Variants in C12orf50 observed in about 807,000 individuals in gnomAD.
C12orf50 encodes uncharacterized protein C12orf50.
In C12orf50, 35 loss-of-function variants were observed where a neutral mutation model predicts 61.6. The ratio of observed to expected loss-of-function variants is 0.57; its 90% CI spans 0.43 to 0.75. The LOEUF (loss-of-function observed/expected upper bound fraction) is 0.75. C12orf50 is among the 30% of genes least tolerant of loss of function. The pLI, the probability that C12orf50 is intolerant of heterozygous loss-of-function variation, is 0.00. For synonymous variants in C12orf50, 178 were observed against 161.5 expected, an observed-to-expected ratio of 1.10 and a Z score of -0.77; for missense variants, 475 against 488.5, an observed-to-expected ratio of 0.97 and a Z score of 0.26.
chr12:87,999,881 A>G (rs1248187485), intron 3 of C12orf50, among the ~76,000 whole-genome samples: 1 of 152,186 alleles, frequency 6.6e-6, no homozygotes, highest in Non-Finnish European at 1.5e-5. Flanking sequence ...ATGTGAGAGC[A>G]TGGATGAATT....
At chr12:88,001,887 T>G (rs1592664137) in intron 3 of C12orf50, among the ~76,000 whole-genome samples, 2 of 151,632 alleles carry the variant, frequency 1.3e-5, no homozygotes, top group East Asian at 3.9e-4. Flanking sequence ...TCTTTTTTTC[T>G]TGGTCAGTCA....
At chr12:88,024,277 G>A (rs1327407020) in intron 3 of C12orf50, among the ~76,000 whole-genome samples, 1 of 151,938 alleles carries the variant, frequency 6.6e-6, no homozygotes, top group African/African-American at 2.4e-5. Flanking sequence ...CCTATTATTG[G>A]GTATATACAC....
At chr12:88,026,464 A>G in intron 3 of C12orf50, 24 bp downstream of exon 3, 3 of 1,611,486 alleles carry the variant, frequency 1.9e-6, no homozygotes, top group Non-Finnish European at 2.5e-6. Flanking sequence ...TGGTAAGTCT[A>G]TGTTATTCAA....
At chr12:88,028,777 CATAAT>C (rs2032797211) in intron 1 of C12orf50, among the ~76,000 whole-genome samples, 2 of 151,944 alleles carry the variant, frequency 1.3e-5, no homozygotes, top group African/African-American at 2.4e-5. Context: ...CTCAAGGTGT[CATAAT>C]ATAGGCAAAA....
Position 88,027,089 on chromosome 12 carries a change from A to G in C12orf50, c.-108-19T>C. On this transcript the variant is annotated intron_variant, in intron 1 of 12. Transcript: ENST00000298699. ...GGGAACCCTAAAAGAAAAAGTAAACAGTGTAGAAAGCTCAATATGTTGACA... is the reference window on the plus strand; with the variant it reads ...GGGAACCCTAAAAGAAAAAGTAAACGGTGTAGAAAGCTCAATATGTTGACA... The G allele has an allele frequency of 6.3e-7, 1 of 1,583,460 alleles. No individual in the cohort carries two copies. Among genetic ancestry groups the G allele is most frequent in the Non-Finnish European group, 8.5e-7 (1 of 1,169,844 alleles).
At position 87,998,102 on chromosome 12, in the gene C12orf50, T is replaced by C; in HGVS notation, c.222A>G (p.Arg74=). The C allele has an allele frequency of 6.2e-7, 1 of 1,613,072 alleles. No homozygotes were observed. Among genetic ancestry groups the C allele is most frequent in the Non-Finnish European group, 8.5e-7 (1 of 1,179,412 alleles). The change falls in exon 4 of 13, where the codon CGA becomes CGG. Residue 74 remains arginine (R), a synonymous_variant. Coordinates refer to ENST00000298699, the MANE Select transcript of C12orf50 (RefSeq NM_152589.3). ...EPLKPQENIS[R]PIHHPLVLKT... ...TTAAAACTAAAGGATGGTGGATGGGTCGTGATATATTTTCCTGAGGTTTCA... is the reference window on the plus strand; with the variant it reads ...TTAAAACTAAAGGATGGTGGATGGGCCGTGATATATTTTCCTGAGGTTTCA...
intron 3 of C12orf50, among the ~76,000 whole-genome samples, chr12:88,021,509 A>C (rs2032516116): frequency 6.6e-6 from 1 of 152,026 alleles, no homozygotes; most frequent in Non-Finnish European, 1.5e-5. Flanking sequence ...ATGGTGGTGC[A>C]TGCCTGTTAT....
chr12:87,996,313 C>A, intron 6 of C12orf50, 61 bp downstream of exon 6: 1 of 1,108,104 alleles, frequency 9.0e-7, no homozygotes, highest in South Asian at 1.3e-5. Flanking sequence ...CTAAATAATT[C>A]AGTCTATCAC....
At position 88,011,901 on chromosome 12, in the gene C12orf50, G is replaced by A. The variant is rs181269558; in HGVS notation, c.134-13711C>T. Reference sequence around the variant, plus strand: ...GAGTTGGGTTTCTCTCCTTAAAACCGGTAATATACTGGAGTGGGCTCAGAT... The same window carrying A: ...GAGTTGGGTTTCTCTCCTTAAAACCAGTAATATACTGGAGTGGGCTCAGAT... On this transcript the variant is annotated intron_variant, in intron 3 of 12. Transcript: ENST00000298699. Among the ~76,000 whole-genome samples, 193 of 152,194 alleles carry A rather than the reference G, an allele frequency of 1.3e-3. 2 individuals are homozygous for A. The highest frequency in any genetic ancestry group is 0.012 in the Admixed American group (178 of 15,282).
intron 12 of C12orf50, among the ~76,000 whole-genome samples, chr12:87,981,119 C>T (rs2030445514): frequency 6.6e-6 from 1 of 152,156 alleles, no homozygotes; most frequent in Non-Finnish European, 1.5e-5. Context: ...CCTCATTCTT[C>T]CTCTGCATGT....
intron 7 of C12orf50, among the ~76,000 whole-genome samples, chr12:87,993,973 G>T (rs1446947318): frequency 6.6e-6 from 1 of 152,212 alleles, no homozygotes; most frequent in Non-Finnish European, 1.5e-5. Context: ...GCCAAGGCGG[G>T]CAAATCACCT....
chr12:87,989,416 A>T (rs2031013153), intron 7 of C12orf50, 45 bp from the exon 8 acceptor site: 1 of 1,387,788 alleles, frequency 7.2e-7, no homozygotes. Flanking sequence ...GCAGAAAGTG[A>T]TACAAACTAG....
At chr12:88,027,198 A>T in intron 1 of C12orf50, 128 bp from the exon 2 acceptor site, 4 of 976,546 alleles carry the variant, frequency 4.1e-6, no homozygotes, top group Non-Finnish European at 5.6e-6. Context: ...ATACACTATC[A>T]ATTTTAGGCC....
chr12:88,006,248 G>A (rs2031877467), intron 3 of C12orf50, among the ~76,000 whole-genome samples: 1 of 152,064 alleles, frequency 6.6e-6, no homozygotes, highest in African/African-American at 2.4e-5. Flanking sequence ...GTCTTTACCG[G>A]GTTGTCTTTG....
chr12:88,025,827 G>C (rs918654256), intron 3 of C12orf50, among the ~76,000 whole-genome samples: 6 of 152,138 alleles, frequency 3.9e-5, no homozygotes, highest in Admixed American at 6.5e-5. Context: ...ACAAGCATCA[G>C]GGAAACCTAA....
chr12:87,986,823 T>A (rs771779197), intron 9 of C12orf50, among the ~76,000 whole-genome samples: 1 of 152,172 alleles, frequency 6.6e-6, no homozygotes, highest in Non-Finnish European at 1.5e-5. Context: ...CTTAAGAAGT[T>A]GGATTAATGT....
In C12orf50 at chr12:88,026,346, T is replaced by G. The variant is rs149288678; in HGVS notation, c.133+142A>C. On this transcript the variant is annotated intron_variant, in intron 3 of 12. Transcript: ENST00000298699. ...TCATTCTAAGCTTTCTCTTGTCTCA[T>G]GTAGAATCATTCCAAATTACCCATT... The G allele has an allele frequency of 7.5e-4, 685 of 911,594 alleles. 9 individuals are homozygous for G. In the East Asian group the frequency reaches 0.016, roughly 21 times the overall value. 56.5% of individuals were successfully genotyped at this position (911,594 alleles called of 1,614,324 possible).
At chr12:87,991,034 T>C (rs2031096680) in intron 7 of C12orf50, among the ~76,000 whole-genome samples, 1 of 152,076 alleles carries the variant, frequency 6.6e-6, no homozygotes, top group Non-Finnish European at 1.5e-5. Context: ...CATGTCTCAG[T>C]TGATAACCCA....
Position 88,028,310 on chromosome 12 carries a change from T to C in C12orf50, c.-109+1030A>G, listed in dbSNP as rs562166764. Among the ~76,000 whole-genome samples the C allele has an allele frequency of 4.7e-4, 72 of 152,322 alleles. 1 individual carries two copies. The South Asian group carries it at 5.2e-3, about 11-fold the overall frequency. ...GTAATAGAAGTGAATCCAATTTCTGTGGTCAGAGAGGTTGACTCCATTCAG... is the reference window on the plus strand; with the variant it reads ...GTAATAGAAGTGAATCCAATTTCTGCGGTCAGAGAGGTTGACTCCATTCAG... On this transcript the variant is annotated intron_variant, in intron 1 of 12. Coordinates refer to ENST00000298699, the MANE Select transcript of C12orf50 (RefSeq NM_152589.3).
Sources: allele counts gnomAD v4.1 joint callset (sites outside exome capture counted in the v4.1 genomes callset), GRCh38; gene constraint gnomAD v4.1.1; transcripts MANE v1.5; gene names NCBI Gene and HGNC (gene_info 2026-07-23, HGNC 2026-07-21).